The following MYO18B variants were observed in gnomAD, a reference collection of about 807,000 sequenced individuals.
MYO18B encodes unconventional myosin-XVIIIb.
MYO18B carries 204 observed loss-of-function variants against 273.0 expected under a neutral mutation model. That is an observed-to-expected ratio of 0.75 (90% CI 0.67 to 0.84). The LOEUF is 0.84. Ranked by LOEUF, MYO18B falls within the 40% of genes least tolerant of loss-of-function variation. MYO18B has a pLI of 0.00. For missense variants in MYO18B, 3,212 were observed against 3,287.6 expected (o/e 0.98, Z 0.56); for synonymous variants, 1,330 against 1,305.7 (o/e 1.02, Z -0.40).
chr22:25,906,307 C>T (rs1332832903), intron 31 of MYO18B, among the ~76,000 whole-genome samples: 2 of 151,708 alleles, frequency 1.3e-5, no homozygotes, highest in Non-Finnish European at 2.9e-5. Context: ...ATTATAGTTA[C>T]TTGCTCAGGC....
intron 40 of MYO18B, among the ~76,000 whole-genome samples, chr22:25,998,021 G>A (rs1409565877): frequency 2.0e-5 from 3 of 149,400 alleles, no homozygotes; most frequent in African/African-American, 5.0e-5. Flanking sequence ...CTGCAGGTGA[G>A]GTTCTTTGAG....
intron 17 of MYO18B, among the ~76,000 whole-genome samples, chr22:25,836,446 A>G (rs2089903557): frequency 1.3e-5 from 2 of 152,222 alleles, no homozygotes; most frequent in African/African-American, 4.8e-5. Flanking sequence ...GGGGTTGGGG[A>G]GTGTTGCATG....
chr22:25,812,767 A>C (rs2088819125), intron 12 of MYO18B, among the ~76,000 whole-genome samples: 1 of 152,188 alleles, frequency 6.6e-6, no homozygotes, highest in Admixed American at 6.5e-5. Context: ...GGAGAGTCCA[A>C]GGGCTGGAAA....
chr22:25,911,109 T>C (rs2092149657), intron 33 of MYO18B, 59 bp downstream of exon 33: 3 of 1,273,682 alleles, frequency 2.4e-6, no homozygotes, highest in South Asian at 1.3e-5. Flanking sequence ...ATTTGAGAGA[T>C]GGGCTCATGG....
chr22:25,986,952 G>C (rs1400982609), intron 39 of MYO18B, among the ~76,000 whole-genome samples: 3 of 152,116 alleles, frequency 2.0e-5, no homozygotes, highest in East Asian at 1.9e-4. Context: ...TCAGCACCAG[G>C]CTCTGTAACA....
At chr22:25,981,697 A>G (rs1009382172) in intron 39 of MYO18B, among the ~76,000 whole-genome samples, 10 of 152,216 alleles carry the variant, frequency 6.6e-5, no homozygotes, top group African/African-American at 1.9e-4. Flanking sequence ...GTGAGCCATC[A>G]TGGTGCCACA....
chr22:25,847,956 C>T (rs942496889), intron 20 of MYO18B, among the ~76,000 whole-genome samples: 74 of 149,016 alleles, frequency 5.0e-4, no homozygotes, highest in African/African-American at 1.5e-3. Flanking sequence ...CATACACACA[C>T]ACACACACAC....
chr22:25,849,765 G>C (rs2090368346), intron 20 of MYO18B, among the ~76,000 whole-genome samples: 1 of 152,166 alleles, frequency 6.6e-6, no homozygotes, highest in Non-Finnish European at 1.5e-5. Context: ...TCCTATAATA[G>C]CTCATATCGC....
At chr22:25,878,644 C>T (rs1247018958) in intron 25 of MYO18B, among the ~76,000 whole-genome samples, 1 of 152,230 alleles carries the variant, frequency 6.6e-6, no homozygotes, top group Non-Finnish European at 1.5e-5. Context: ...GACACTCAAC[C>T]TAATTAGCAA....
chr22:25,879,363 A>C (rs906414900), intron 25 of MYO18B, among the ~76,000 whole-genome samples: 3 of 152,378 alleles, frequency 2.0e-5, no homozygotes, highest in Non-Finnish European at 4.4e-5. Flanking sequence ...TGCCAAAGGA[A>C]AATAATTCAG....
In MYO18B at chr22:25,947,537, CA is replaced by C. The variant is rs1569223375; in HGVS notation, c.5632-174del. Among the ~76,000 whole-genome samples, 56 of 144,258 alleles carry C rather than the reference CA, an allele frequency of 3.9e-4. 1 individual carries two copies. Among genetic ancestry groups the C allele is most frequent in the East Asian group, 1.2e-3 (6 of 5,076 alleles). 94.6% of individuals were successfully genotyped at this position (144,258 alleles called of 152,430 possible). ...ACACACACACACACACACACACACA[CA>C]CACACCAAGCTGTTATACCTACCAC... On this transcript the variant is annotated intron_variant, in intron 35 of 43. Transcript: ENST00000335473.
At chr22:25,940,942 T>C (rs918175485) in intron 34 of MYO18B, among the ~76,000 whole-genome samples, 1 of 152,230 alleles carries the variant, frequency 6.6e-6, no homozygotes, top group African/African-American at 2.4e-5. Flanking sequence ...CCTCCGTAGA[T>C]GCCTGCCTTG....
the MYO18B span, among the ~76,000 whole-genome samples, chr22:26,049,295 C>T: frequency 6.6e-6 from 1 of 152,164 alleles, no homozygotes; most frequent in Non-Finnish European, 1.5e-5. Context: ...CAACAGAAAG[C>T]AGGGGTGAAG....
chr22:25,910,567 G>A (rs2092136178), intron 32 of MYO18B, among the ~76,000 whole-genome samples: 1 of 152,102 alleles, frequency 6.6e-6, no homozygotes, highest in African/African-American at 2.4e-5. Context: ...ATAATGGAGG[G>A]GATGCATTTT....
At position 25,874,307 on chromosome 22, in the gene MYO18B, A is replaced by C; in HGVS notation, c.3973A>C (p.Ile1325Leu). 6.2e-7 allele frequency: 1 copy of C among 1,613,766 alleles called. No homozygotes were observed. Among genetic ancestry groups the C allele is most frequent in the Non-Finnish European group, 8.5e-7 (1 of 1,179,822 alleles). The change falls in exon 23 of 44, where the codon ATC becomes CTC. Residue 1325 changes from isoleucine (I) to leucine (L), a missense_variant. Coordinates refer to ENST00000335473, the MANE Select transcript of MYO18B (RefSeq NM_032608.7). ...CCAGGTTTTTCTCAAGGCAGGTGTG[A>C]TCTCCAGGCTTGAGAAGCAGCGAGA... ...HSQVFLKAGV[I>L]SRLEKQREKL...
chr22:25,808,050 T>A (rs1365640445), intron 12 of MYO18B, among the ~76,000 whole-genome samples: 1 of 152,136 alleles, frequency 6.6e-6, no homozygotes, highest in Non-Finnish European at 1.5e-5. Context: ...GTGGTGGGGA[T>A]GGAATGGCTC....
At chr22:25,978,697 T>G (rs2093119148) in intron 39 of MYO18B, among the ~76,000 whole-genome samples, 1 of 152,168 alleles carries the variant, frequency 6.6e-6, no homozygotes, top group Non-Finnish European at 1.5e-5. Context: ...CTCATGCCTG[T>G]AATCCCAGCA....
At position 25,978,484 on chromosome 22, in the gene MYO18B, C is replaced by T. The variant is rs117443647; in HGVS notation, c.6157-13879C>T. Reference sequence around the variant, plus strand: ...AAGAAAGGGCGAGTTGGGACAGAGACTTTAAAGGACTTGATATGCGAAACA... The same window carrying T: ...AAGAAAGGGCGAGTTGGGACAGAGATTTTAAAGGACTTGATATGCGAAACA... On this transcript the variant is annotated intron_variant, in intron 39 of 43. Transcript: ENST00000335473. 3.6e-3 allele frequency among the ~76,000 whole-genome samples: 555 copies of T among 152,256 alleles called. 2 individuals are homozygous for T. Among genetic ancestry groups the T allele is most frequent in the Non-Finnish European group, 5.6e-3 (384 of 68,004 alleles).
the MYO18B span, among the ~76,000 whole-genome samples, chr22:26,043,229 C>G: frequency 6.6e-6 from 1 of 151,930 alleles, no homozygotes; most frequent in Non-Finnish European, 1.5e-5. Context: ...TTAGATGAGT[C>G]AGTAGTTTGT....
Sources: allele counts gnomAD v4.1 joint callset (sites outside exome capture counted in the v4.1 genomes callset), GRCh38; gene constraint gnomAD v4.1.1; transcripts MANE v1.5; gene names NCBI Gene and HGNC (gene_info 2026-07-23, HGNC 2026-07-21).